Variants in INPP4B observed in about 807,000 individuals in gnomAD.
INPP4B encodes inositol polyphosphate-4-phosphatase type II B.
In INPP4B, 55 loss-of-function variants were observed where a neutral mutation model predicts 122.5. That is an observed-to-expected ratio of 0.45 (90% CI 0.36 to 0.56). The LOEUF is 0.56. INPP4B is among the 20% of genes least tolerant of loss of function. INPP4B has a pLI of 0.00. For missense variants in INPP4B, 1,000 were observed against 1,097.7 expected (o/e 0.91, Z 1.26); for synonymous variants, 403 against 388.7 (o/e 1.04, Z -0.43).
intron 16 of INPP4B, among the ~76,000 whole-genome samples, chr4:142,170,173 T>C (rs954909629): frequency 4.6e-5 from 7 of 151,704 alleles, no homozygotes; most frequent in South Asian, 2.1e-4. Flanking sequence ...GCCTTTTTTG[T>C]TGGAATTATT....
intron 7 of INPP4B, among the ~76,000 whole-genome samples, chr4:142,324,338 T>A (rs1052088838): frequency 1.3e-5 from 2 of 152,162 alleles, no homozygotes; most frequent in African/African-American, 2.4e-5. Context: ...ACCTGTGTTA[T>A]CTGGTATGGC....
intron 18 of INPP4B, among the ~76,000 whole-genome samples, chr4:142,125,915 T>C (rs1457464497): frequency 6.6e-6 from 1 of 152,116 alleles, no homozygotes; most frequent in Non-Finnish European, 1.5e-5. Flanking sequence ...TATAAAAAGT[T>C]TTAAAGATAT....
chr4:142,175,788 C>A (rs959008614), intron 15 of INPP4B, among the ~76,000 whole-genome samples: 2 of 152,024 alleles, frequency 1.3e-5, no homozygotes, highest in African/African-American at 4.8e-5. Context: ...TAATCCGTAA[C>A]AGACTTTAAT....
intron 2 of INPP4B, among the ~76,000 whole-genome samples, chr4:142,520,875 A>C (rs1825989144): frequency 6.6e-6 from 1 of 151,944 alleles, no homozygotes; most frequent in Admixed American, 6.6e-5. Flanking sequence ...TTTTGGCATA[A>C]ATATATTCCA....
At chr4:142,049,855 T>TATCA in intron 25 of INPP4B, among the ~76,000 whole-genome samples, 1 of 152,166 alleles carries the variant, frequency 6.6e-6, no homozygotes, top group Middle Eastern at 3.4e-3. Flanking sequence ...AAGATGAATC[T>TATCA]ATCAATAAGC....
At chr4:142,534,285 C>G (rs61104737) in intron 2 of INPP4B, among the ~76,000 whole-genome samples, 1 of 151,842 alleles carries the variant, frequency 6.6e-6, no homozygotes, top group Non-Finnish European at 1.5e-5. Flanking sequence ...GATGGTGACA[C>G]CTTCAAAATT....
intron 3 of INPP4B, among the ~76,000 whole-genome samples, chr4:142,442,750 G>A (rs1339465292): frequency 1.3e-5 from 2 of 152,244 alleles, no homozygotes; most frequent in African/African-American, 2.4e-5. Context: ...AGCATGGTAG[G>A]AAGATATGTC....
intron 25 of INPP4B, among the ~76,000 whole-genome samples, chr4:142,047,409 CT>C (rs1560932885): frequency 6.6e-6 from 1 of 151,926 alleles, no homozygotes; most frequent in Non-Finnish European, 1.5e-5. Context: ...TTTTCCCTGA[CT>C]TTTTTGTTTA....
chr4:142,820,536 T>C lies in INPP4B; in HGVS notation c.-254+25673A>G, dbSNP rs190211499. Reference sequence around the variant, plus strand: ...GAGCCAAATAAACCTCTTTTATTTATAAATTACCCAGCCTCAAGTATTCCT... The same window carrying C: ...GAGCCAAATAAACCTCTTTTATTTACAAATTACCCAGCCTCAAGTATTCCT... On this transcript the variant is annotated intron_variant, in intron 1 of 25. Transcript: ENST00000262992. Among the ~76,000 whole-genome samples, 3 of 152,284 alleles carry C rather than the reference T, an allele frequency of 2.0e-5. No homozygotes were observed. The East Asian group carries it at 5.8e-4, about 29-fold the overall frequency.
chr4:142,561,988 CTTTTTT>C (rs1350836854), intron 2 of INPP4B, among the ~76,000 whole-genome samples: 7 of 151,140 alleles, frequency 4.6e-5, no homozygotes, highest in Non-Finnish European at 1.0e-4. Flanking sequence ...TTTTCTTTTT[CTTTTTT>C]CCTTTTTTCT....
intron 12 of INPP4B, among the ~76,000 whole-genome samples, chr4:142,224,079 C>T (rs1053923748): frequency 1.8e-4 from 27 of 152,128 alleles, no homozygotes; most frequent in African/African-American, 5.8e-4. Flanking sequence ...CCAAAATGCA[C>T]GTGCTTCAGC....
At chr4:142,076,242 G>A (rs942803637) in intron 25 of INPP4B, among the ~76,000 whole-genome samples, 6 of 152,044 alleles carry the variant, frequency 3.9e-5, no homozygotes, top group South Asian at 2.1e-4. Flanking sequence ...GAAGAAGATC[G>A]ACGAAAATTA....
intron 11 of INPP4B, 111 bp from the exon 12 acceptor site, chr4:142,238,122 C>T: frequency 2.0e-6 from 1 of 511,136 alleles, no homozygotes; most frequent in East Asian, 3.1e-5. Context: ...TCATTTGATC[C>T]AAAATGTCTT....
chr4:142,557,324 G>A (rs1729431052), intron 2 of INPP4B, among the ~76,000 whole-genome samples: 1 of 152,150 alleles, frequency 6.6e-6, no homozygotes, highest in East Asian at 1.9e-4. Context: ...GTATGTAAAA[G>A]CTCCTTTAGT....
At chr4:142,181,171 C>T (rs1396704483) in intron 15 of INPP4B, among the ~76,000 whole-genome samples, 2 of 152,070 alleles carry the variant, frequency 1.3e-5, no homozygotes, top group African/African-American at 4.8e-5. Flanking sequence ...TATGAATATC[C>T]TGAGGACAGC....
chr4:142,748,567 T>A (rs546999131), intron 1 of INPP4B, among the ~76,000 whole-genome samples: 1 of 151,928 alleles, frequency 6.6e-6, no homozygotes, highest in African/African-American at 2.4e-5. Context: ...CTACAGATAT[T>A]AAATGGATAA....
intron 25 of INPP4B, chr4:142,029,771 G>GTGTT (rs1738648138): frequency 2.5e-5 from 25 of 998,936 alleles, no homozygotes; most frequent in Non-Finnish European, 3.0e-5. Context: ...CAGGGTTTCA[G>GTGTT]TGTTTGTGCA....
chr4:142,738,696 A>G (rs1767431478), intron 1 of INPP4B, among the ~76,000 whole-genome samples: 1 of 152,094 alleles, frequency 6.6e-6, no homozygotes, highest in Non-Finnish European at 1.5e-5. Flanking sequence ...AAGGTTCTGT[A>G]TTCCCCATAT....
At chr4:142,331,036 A>T (rs1358712738) in intron 7 of INPP4B, among the ~76,000 whole-genome samples, 1 of 152,220 alleles carries the variant, frequency 6.6e-6, no homozygotes, top group Non-Finnish European at 1.5e-5. Context: ...TAAACTTAAA[A>T]ACATTTTCAG....
Sources: allele counts gnomAD v4.1 joint callset (sites outside exome capture counted in the v4.1 genomes callset), GRCh38; gene constraint gnomAD v4.1.1; transcripts MANE v1.5; gene names NCBI Gene and HGNC (gene_info 2026-07-23, HGNC 2026-07-21).